The following CWC27 variants were observed in gnomAD, a reference collection of about 807,000 sequenced individuals.
CWC27 encodes the protein CWC27 spliceosome associated cyclophilin.
CWC27 carries 47 observed loss-of-function variants against 63.6 expected under a neutral mutation model. That is an observed-to-expected ratio of 0.74 (90% confidence interval 0.58 to 0.94). The LOEUF (loss-of-function observed/expected upper bound fraction) is 0.94. Ranked by LOEUF, CWC27 falls within the 40% of genes least tolerant of loss-of-function variation. CWC27 has a pLI of 0.00. For missense variants in CWC27, 495 were observed against 554.3 expected (o/e 0.89, Z 1.07); for synonymous variants, 175 against 179.8 (o/e 0.97, Z 0.22).
intron 10 of CWC27, 86 bp from the exon 11 acceptor site, chr5:64,885,357 A>G (rs1052926691): frequency 4.0e-5 from 32 of 801,280 alleles, no homozygotes; most frequent in Non-Finnish European, 7.8e-6. Context: ...TTTTTCTTAG[A>G]TGTAGTATAC....
intron 11 of CWC27, among the ~76,000 whole-genome samples, chr5:64,908,182 T>C (rs954868314): frequency 2.0e-5 from 3 of 152,204 alleles, no homozygotes; most frequent in Non-Finnish European, 2.9e-5. Context: ...AGTTTCCATG[T>C]AGTTGTGTGG....
chr5:64,995,971 ATAAT>A lies in CWC27; in HGVS notation c.1256+18736_1256+18739del, dbSNP rs760378349. 7.9e-5 allele frequency among the ~76,000 whole-genome samples: 12 copies of A among 152,348 alleles called. No individual in the cohort carries two copies. In the South Asian group the frequency reaches 1.4e-3, roughly 18 times the overall value. On this transcript the variant is annotated intron_variant, in intron 13 of 13. Coordinates refer to ENST00000381070, the MANE Select transcript of CWC27 (RefSeq NM_005869.4). ...TTGCAGCCCCAGTGCCAAGAAGGAAATAATTAGTTTTTAGACAAACCCTTCAAAG... is the reference window on the plus strand; with the variant it reads ...TTGCAGCCCCAGTGCCAAGAAGGAAATAGTTTTTAGACAAACCCTTCAAAG...
At chr5:64,858,225 C>T (rs1417889117) in intron 10 of CWC27, among the ~76,000 whole-genome samples, 16 of 146,952 alleles carry the variant, frequency 1.1e-4, no homozygotes, top group Admixed American at 8.9e-4. Context: ...TTTGTGGGGC[C>T]GAGGCGGGCG....
intron 10 of CWC27, among the ~76,000 whole-genome samples, chr5:64,869,098 T>G (rs1360550874): frequency 2.6e-5 from 4 of 152,038 alleles, no homozygotes; most frequent in Non-Finnish European, 4.4e-5. Flanking sequence ...ATTACAATTT[T>G]TAATAAATTT....
intron 10 of CWC27, among the ~76,000 whole-genome samples, chr5:64,875,343 T>C (rs1360774665): frequency 6.6e-6 from 1 of 152,144 alleles, no homozygotes; most frequent in Non-Finnish European, 1.5e-5. Flanking sequence ...TTTAAAGATA[T>C]GGATATAGTC....
chr5:64,845,358 T>C (rs1745948192), intron 10 of CWC27, among the ~76,000 whole-genome samples: 1 of 152,034 alleles, frequency 6.6e-6, no homozygotes, highest in Non-Finnish European at 1.5e-5. Flanking sequence ...CAAAAGAAAC[T>C]AATAAAGCTT....
At chr5:64,929,638 G>A (rs540394358) in intron 11 of CWC27, among the ~76,000 whole-genome samples, 84 of 152,088 alleles carry the variant, frequency 5.5e-4, no homozygotes, top group Non-Finnish European at 1.0e-3. Context: ...AGGGAAATGC[G>A]AATCAAAACC....
chr5:64,992,263 G>T (rs1367717088), intron 13 of CWC27, among the ~76,000 whole-genome samples: 1 of 152,126 alleles, frequency 6.6e-6, no homozygotes, highest in Non-Finnish European at 1.5e-5. Context: ...GATAAATGAG[G>T]AACTCTGTAG....
At chr5:64,820,972 A>C (rs1406301249) in intron 10 of CWC27, among the ~76,000 whole-genome samples, 3 of 141,430 alleles carry the variant, frequency 2.1e-5, no homozygotes, top group Non-Finnish European at 4.6e-5. Flanking sequence ...TAAGGAGATT[A>C]AAAAACAAGC....
chr5:64,779,689 C>G (rs1743594327), intron 2 of CWC27, among the ~76,000 whole-genome samples: 1 of 152,170 alleles, frequency 6.6e-6, no homozygotes, highest in African/African-American at 2.4e-5. Flanking sequence ...TCTATTCTCC[C>G]CTTGATATGG....
At chr5:64,974,782 G>A (rs1270514543) in intron 12 of CWC27, among the ~76,000 whole-genome samples, 4 of 151,994 alleles carry the variant, frequency 2.6e-5, no homozygotes, top group Non-Finnish European at 4.4e-5. Context: ...TATTAACAGC[G>A]GTTATTCTGA....
chr5:64,944,736 C>T (rs538537455), intron 11 of CWC27, among the ~76,000 whole-genome samples: 7 of 152,216 alleles, frequency 4.6e-5, no homozygotes, highest in East Asian at 1.9e-4. Flanking sequence ...CAGCCACAAT[C>T]ATCTCCCGTG....
intron 13 of CWC27, among the ~76,000 whole-genome samples, chr5:64,986,748 G>A (rs1337749418): frequency 1.3e-5 from 2 of 151,140 alleles, no homozygotes; most frequent in African/African-American, 4.9e-5. Flanking sequence ...TCAGCTTCCT[G>A]CAGTTCATTA....
intron 8 of CWC27, 119 bp from the exon 9 acceptor site, chr5:64,801,183 T>C: frequency 2.1e-6 from 2 of 936,730 alleles, no homozygotes; most frequent in South Asian, 3.5e-5. Context: ...TAAATTCCTA[T>C]GTTGAAATAC....
At position 64,802,343 on chromosome 5, in the gene CWC27, G is replaced by A. The variant is rs185275133; in HGVS notation, c.780+1011G>A. 9.2e-4 allele frequency among the ~76,000 whole-genome samples: 140 copies of A among 152,290 alleles called. 1 individual carries two copies. The highest frequency in any genetic ancestry group is 2.4e-3 in the Admixed American group (36 of 15,292). On this transcript the variant is annotated intron_variant, in intron 9 of 13. Coordinates refer to ENST00000381070, the MANE Select transcript of CWC27 (RefSeq NM_005869.4). ...TTCTAAGAGCTGCAAGCAGGCCAGC[G>A]TGAACAGGGTGTGGTGACAGGCCAG...
At chr5:64,889,139 A>AT (rs1250489090) in intron 11 of CWC27, among the ~76,000 whole-genome samples, 1 of 152,194 alleles carries the variant, frequency 6.6e-6, no homozygotes, top group South Asian at 2.1e-4. Flanking sequence ...TGATTGATGA[A>AT]TTGTCATAGA....
chr5:64,841,421 A>C (rs779390999), intron 10 of CWC27, among the ~76,000 whole-genome samples: 10 of 152,216 alleles, frequency 6.6e-5, no homozygotes, highest in Non-Finnish European at 5.9e-5. Context: ...CTTGAATTTC[A>C]ACATGAGTTT....
intron 7 of CWC27, among the ~76,000 whole-genome samples, chr5:64,790,892 A>C (rs1375488036): frequency 3.3e-5 from 5 of 152,196 alleles, no homozygotes; most frequent in Non-Finnish European, 5.9e-5. Context: ...GGGTTAAATA[A>C]CTCATCCATG....
intron 13 of CWC27, among the ~76,000 whole-genome samples, chr5:64,999,180 A>G (rs1749689034): frequency 2.0e-5 from 3 of 151,916 alleles, no homozygotes. Context: ...AAAGATTCAG[A>G]CTTATTTTTT....
Sources: gnomAD v4.1 joint callset for allele counts (sites outside exome capture counted in the v4.1 genomes callset) on GRCh38, gnomAD v4.1.1 for gene constraint, MANE v1.5 for transcripts, NCBI Gene and HGNC (gene_info 2026-07-23, HGNC 2026-07-21) for gene names.